MYT1: variants seen among roughly 807,000 people sequenced by gnomAD.
MYT1 encodes the protein myelin transcription factor I.
In MYT1, 23 loss-of-function variants were observed where a neutral mutation model predicts 123.0. The observed-to-expected ratio is 0.19, with a 90% CI of 0.13 to 0.26. The LOEUF is 0.26. MYT1 is among the 10% of genes least tolerant of loss of function. The pLI is 1.00. For synonymous variants in MYT1, 518 were observed against 575.3 expected (o/e 0.90, Z 1.43); for missense variants, 1,125 against 1,472.5 (o/e 0.76, Z 3.86).
chr20:64,186,945 C>T lies in MYT1; in HGVS notation c.-98-3118C>T, dbSNP rs1272875716. Among the ~76,000 whole-genome samples the T allele has an allele frequency of 4.1e-5, 6 of 145,346 alleles. No homozygotes were observed. The highest frequency in any genetic ancestry group is 2.1e-4 in the East Asian group (1 of 4,786). Reference sequence around the variant, plus strand: ...TTCCGTGGAGAGTTTTCCTGTAGCACGTGGCTCCGGCATCCACGTTTCCGT... The same window carrying T: ...TTCCGTGGAGAGTTTTCCTGTAGCATGTGGCTCCGGCATCCACGTTTCCGT... On this transcript the variant is annotated intron_variant, in intron 1 of 22. Coordinates refer to ENST00000328439, the MANE Select transcript of MYT1 (RefSeq NM_004535.3). This position sits in a 1 kb window ranked among gnomAD's most constrained non-coding sequence, Gnocchi z 4.3.
At chr20:64,238,914 G>A (rs1313255690) in intron 21 of MYT1, among the ~76,000 whole-genome samples, 1 of 152,226 alleles carries the variant, frequency 6.6e-6, no homozygotes, top group Non-Finnish European at 1.5e-5. Context: ...CAAAGGCAAA[G>A]GGAAGGCAGG....
At chr20:64,201,949 T>TCGCGTGTCGGGAACCCCTC in intron 4 of MYT1, among the ~76,000 whole-genome samples, 1 of 30,770 alleles carries the variant, frequency 3.2e-5, no homozygotes, top group South Asian at 9.5e-4. Context: ...CGGGAACCTC[T>TCGCGTGTCGGGAACCCCTC]GCGTGTCGGG....
At position 64,213,371 on chromosome 20, in the gene MYT1, C is replaced by G. The variant is rs1252244395; in HGVS notation, c.1518-163C>G. On this transcript the variant is annotated intron_variant, in intron 9 of 22. Transcript: ENST00000328439. The surrounding 1 kb of genome is among the most constrained non-coding windows in gnomAD (Gnocchi z 5.6). ...CAGAGCCAGAGAGAAAACCCCTGTC[C>G]TGCAGAATGACAGGGTTATTCCCGG... 6.6e-6 allele frequency among the ~76,000 whole-genome samples: 1 copy of G among 152,182 alleles called. No homozygotes were observed. The highest frequency in any genetic ancestry group is 1.5e-5 in the Non-Finnish European group (1 of 68,032).
intron 4 of MYT1, among the ~76,000 whole-genome samples, chr20:64,201,973 C>T (rs1479007689): frequency 2.0e-5 from 3 of 149,656 alleles, no homozygotes; most frequent in East Asian, 2.0e-4. Context: ...CCCCGCGTGT[C>T]GGGAACCCCC....
intron 20 of MYT1, among the ~76,000 whole-genome samples, chr20:64,236,884 C>G (rs765199230): frequency 6.6e-6 from 1 of 152,150 alleles, no homozygotes; most frequent in Non-Finnish European, 1.5e-5. Context: ...CTGTAACCTG[C>G]GGCTTTGGTG....
chr20:64,198,286 C>CAAA (rs34822167), intron 2 of MYT1, among the ~76,000 whole-genome samples: 19 of 23,798 alleles, frequency 8.0e-4, no homozygotes, highest in African/African-American at 1.2e-3. Flanking sequence ...GACTCCGTCT[C>CAAA]AAAAAAAAAA....
Position 64,199,918 on chromosome 20 carries a change from C to T in MYT1, c.82C>T (p.Leu28Phe). The T allele has an allele frequency of 6.2e-7, 1 of 1,614,100 alleles. No individual in the cohort carries two copies. Among genetic ancestry groups the T allele is most frequent in the Non-Finnish European group, 8.5e-7 (1 of 1,179,948 alleles). Residue 28 changes from leucine to phenylalanine, a missense_variant, in exon 4 of 23, where the codon CTC becomes TTC. By Grantham distance (22) the Leu-to-Phe change is conservative (BLOSUM62 0). Around this residue, in one of 4 missense-constraint regions of MYT1, gnomAD observed 406 missense variants for 432.2 expected, o/e 0.94. Transcript: ENST00000328439. ...RGPPETTAAD[L>F]SCPTPGCTGS... ...ACCCCCAGAGACCACAGCTGCAGAC[C>T]TCAGGTAAGGAAGTCTTCCTGTTAG...
chr20:64,241,130 T>A lies in MYT1; in HGVS notation c.*682T>A, dbSNP rs2145740500. 1.3e-5 allele frequency: 2 copies of A among 152,398 alleles called. No homozygotes were observed. Among genetic ancestry groups the A allele is most frequent in the South Asian group, 4.1e-4 (2 of 4,830 alleles). The allele number at this position is 152,398 out of a possible 1,614,324, so 9.4% of individuals were successfully genotyped here. ...GGCGCTGAGGCTGTGCAGATGTGTA[T>A]GGCCTTGGGTCACAGCTCCCTACTG... is the stretch of plus-strand genomic sequence containing the variant. On this transcript the variant is annotated 3_prime_UTR_variant, in exon 23 of 23. Coordinates refer to ENST00000328439, the MANE Select transcript of MYT1 (RefSeq NM_004535.3). The surrounding 1 kb of genome is among the most constrained non-coding windows in gnomAD (Gnocchi z 4.2).
intron 1 of MYT1, among the ~76,000 whole-genome samples, chr20:64,171,751 G>A (rs914158670): frequency 4.2e-5 from 6 of 142,776 alleles, no homozygotes; most frequent in Non-Finnish European, 1.5e-5. Context: ...TCTGGCATCT[G>A]GAGGAACCCA....
At chr20:64,200,289 C>T (rs984984420) in intron 4 of MYT1, among the ~76,000 whole-genome samples, 1 of 152,150 alleles carries the variant, frequency 6.6e-6, no homozygotes, top group African/African-American at 2.4e-5. Context: ...AGGCCCAGTT[C>T]GGGGATGAGA....
rs2145724150 is a variant in MYT1, at chr20:64,219,706, A to G, written c.1972-7A>G. 1 of 1,606,318 alleles carries G rather than the reference A, an allele frequency of 6.2e-7. No individual in the cohort carries two copies. The highest frequency in any genetic ancestry group is 8.5e-7 in the Non-Finnish European group (1 of 1,174,726). On this transcript the variant is annotated splice_polypyrimidine_tract_variant and splice_region_variant and intron_variant, in intron 12 of 22. Coordinates refer to ENST00000328439, the MANE Select transcript of MYT1 (RefSeq NM_004535.3). ...ATCGCTAACAGATCTCACCTTTGCC[A>G]TTGCAGTCTGTGGATATCGAGGTAG...
intron 19 of MYT1, among the ~76,000 whole-genome samples, chr20:64,234,751 C>CCCGGGGCTGGCCGTGGTATGTGAA (rs796253679): frequency 0.026 from 3,536 of 138,212 alleles, 98 homozygotes; most frequent in Non-Finnish European, 0.029. Flanking sequence ...TGGTATGTGA[C>CCCGGGGCTGGCCGTGGTATGTGAA]CCGGGGCTGG....
chr20:64,176,805 C>T (rs1982470245), intron 1 of MYT1, among the ~76,000 whole-genome samples: 1 of 152,204 alleles, frequency 6.6e-6, no homozygotes, highest in South Asian at 2.1e-4. Context: ...GGTGTCCCTC[C>T]CAGCACACTG....
rs557112974 is a variant in MYT1 at position 64,207,756 on chromosome 20, C to T, written c.560C>T (p.Ala187Val). 4.3e-5 allele frequency: 69 copies of T among 1,613,870 alleles called. No homozygotes were observed. The highest frequency in any genetic ancestry group is 8.0e-5 in the African/African-American group (6 of 74,938). Residue 187 changes from alanine (A) to valine (V), a missense_variant, in exon 7 of 23, where the codon GCG becomes GTG. Ala to Val is a moderately conservative substitution (Grantham distance 64, BLOSUM62 0). Around this residue, in one of 4 missense-constraint regions of MYT1, gnomAD observed 406 missense variants for 432.2 expected, o/e 0.94. Coordinates refer to ENST00000328439, the MANE Select transcript of MYT1 (RefSeq NM_004535.3). ...ETLVEEDLGQ[A>V]AKPGPGIVHL... ...CTGGTGGAAGAGGACTTGGGCCAGGCGGCCAAGCCAGGTCCTGGCATTGTG... is the reference window on the plus strand; with the variant it reads ...CTGGTGGAAGAGGACTTGGGCCAGGTGGCCAAGCCAGGTCCTGGCATTGTG...
Position 64,203,842 on chromosome 20 carries a change from G to A in MYT1, c.87-1193G>A, listed in dbSNP as rs373563303. Among the ~76,000 whole-genome samples the A allele has an allele frequency of 1.3e-5, 2 of 152,210 alleles. No individual in the cohort carries two copies. Among genetic ancestry groups the A allele is most frequent in the African/African-American group, 2.4e-5 (1 of 41,458 alleles). On this transcript the variant is annotated intron_variant, in intron 4 of 22. Coordinates refer to ENST00000328439, the MANE Select transcript of MYT1 (RefSeq NM_004535.3). The surrounding 1 kb of genome is among the most constrained non-coding windows in gnomAD (Gnocchi z 5.1). Reference sequence around the variant, plus strand: ...GACTGGGGATGGCGTTCTTTTCCCCGGGTCCCAGGTATGGGGGCACCAGCC... The same window carrying A: ...GACTGGGGATGGCGTTCTTTTCCCCAGGTCCCAGGTATGGGGGCACCAGCC...
At position 64,219,892 on chromosome 20, in the gene MYT1, C is replaced by G; in HGVS notation, c.2151C>G (p.Pro717=). 1 of 1,576,444 alleles carries G rather than the reference C, an allele frequency of 6.3e-7. No individual in the cohort carries two copies. The highest frequency in any genetic ancestry group is 2.3e-5 in the East Asian group (1 of 42,602). Residue 717 remains proline, a synonymous_variant, in exon 13 of 23, where the codon CCC becomes CCG. Transcript: ENST00000328439. The stretch of plus-strand genomic sequence containing the variant: ...CCCCCAGCAGCTCCATGACCTCTCC[C>G]CAGTCCAGCCAGGCCTCCCGCCAGG... The part of the protein sequence containing the change: ...TSAPSSSMTS[P]QSSQASRQDE...
chr20:64,215,217 G>T (rs985901599), intron 10 of MYT1, among the ~76,000 whole-genome samples: 14 of 152,206 alleles, frequency 9.2e-5, no homozygotes, highest in Non-Finnish European at 1.6e-4. Context: ...CCCGTGTGAG[G>T]CCAGGCAGGG....
rs1322970636 is a variant in MYT1 at position 64,189,465 on chromosome 20, G to A, written c.-98-598G>A. Among the ~76,000 whole-genome samples, 2 of 152,202 alleles carry A rather than the reference G, an allele frequency of 1.3e-5. No homozygotes were observed. The highest frequency in any genetic ancestry group is 2.4e-5 in the African/African-American group (1 of 41,456). On this transcript the variant is annotated intron_variant, in intron 1 of 22. Coordinates refer to ENST00000328439, the MANE Select transcript of MYT1 (RefSeq NM_004535.3). The surrounding 1 kb of genome is among the most constrained non-coding windows in gnomAD (Gnocchi z 5.5). ...GGAGGCATTGCCCTGGAGAGAGGCAGAAACACAGGGTGACAAAAGATGCTG... is the reference window on the plus strand; with the variant it reads ...GGAGGCATTGCCCTGGAGAGAGGCAAAAACACAGGGTGACAAAAGATGCTG...
At chr20:64,195,514 G>C (rs987452681) in intron 2 of MYT1, among the ~76,000 whole-genome samples, 3 of 151,118 alleles carry the variant, frequency 2.0e-5, no homozygotes, top group Non-Finnish European at 4.4e-5. Context: ...TCCTGCCTCA[G>C]CCTCCCAAGT....
Sources: gnomAD v4.1 joint callset for allele counts (sites outside exome capture counted in the v4.1 genomes callset) on GRCh38, gnomAD v4.1.1 for gene constraint, gnomAD v4.1.1 regional missense constraint, Gnocchi (gnomAD v3.1) non-coding constraint, MANE v1.5 for transcripts, NCBI Gene and HGNC (gene_info 2026-07-23, HGNC 2026-07-21) for gene names.